The following CDH20 variants were observed in gnomAD, a reference collection of about 807,000 sequenced individuals.
CDH20 encodes cadherin-20.
In CDH20, 29 loss-of-function variants were observed where a neutral mutation model predicts 74.2. The observed-to-expected ratio is 0.39, with a 90% CI of 0.29 to 0.53. CDH20 has a LOEUF of 0.53. Ranked by LOEUF, CDH20 falls within the 20% of genes least tolerant of loss-of-function variation. The pLI, the probability that CDH20 is intolerant of heterozygous loss-of-function variation, is 0.69. For missense variants in CDH20, 988 were observed against 1,048.3 expected (o/e 0.94, Z 0.79); for synonymous variants, 469 against 405.4 (o/e 1.16, Z -1.88).
intron 1 of CDH20, among the ~76,000 whole-genome samples, chr18:61,336,038 G>A (rs1048154436): frequency 3.3e-5 from 5 of 152,148 alleles, no homozygotes; most frequent in Non-Finnish European, 5.9e-5. Flanking sequence ...CCGGAAAGGC[G>A]TTGTGACTGT....
At chr18:61,486,415 T>G (rs1196347396) in intron 1 of CDH20, among the ~76,000 whole-genome samples, 1 of 152,216 alleles carries the variant, frequency 6.6e-6, no homozygotes, top group East Asian at 1.9e-4. Flanking sequence ...TACTCCAATT[T>G]ATACTGGTGA....
intron 1 of CDH20, among the ~76,000 whole-genome samples, chr18:61,419,660 T>A (rs987566680): frequency 6.6e-6 from 1 of 152,190 alleles, no homozygotes. Flanking sequence ...AATCTCTTTT[T>A]TTTTCAATAC....
intron 1 of CDH20, among the ~76,000 whole-genome samples, chr18:61,404,568 G>A (rs1384211516): frequency 6.6e-6 from 1 of 152,130 alleles, no homozygotes; most frequent in Non-Finnish European, 1.5e-5. Context: ...AATGCTGCAT[G>A]AAATCTTGGT....
At chr18:61,484,463 C>T (rs1371735275) in intron 1 of CDH20, among the ~76,000 whole-genome samples, 1 of 151,966 alleles carries the variant, frequency 6.6e-6, no homozygotes, top group Non-Finnish European at 1.5e-5. Context: ...CCAGCCTTGG[C>T]GGATACGGAA....
chr18:61,465,117 T>C (rs1008290186), intron 1 of CDH20, among the ~76,000 whole-genome samples: 6 of 152,186 alleles, frequency 3.9e-5, no homozygotes, highest in African/African-American at 1.4e-4. Flanking sequence ...TTCACAGAGC[T>C]CACTAGAAAT....
intron 2 of CDH20, among the ~76,000 whole-genome samples, chr18:61,492,825 A>G (rs1248116412): frequency 1.3e-5 from 2 of 152,196 alleles, no homozygotes; most frequent in African/African-American, 4.8e-5. Context: ...TAGAAGCTCA[A>G]TGAAAGCAAG....
At chr18:61,497,271 G>A (rs1457617696) in intron 2 of CDH20, among the ~76,000 whole-genome samples, 1 of 152,084 alleles carries the variant, frequency 6.6e-6, no homozygotes. Context: ...AGTTCCCCTA[G>A]GCAGCAAAAC....
intron 7 of CDH20, among the ~76,000 whole-genome samples, chr18:61,533,353 T>TATC (rs1912714600): frequency 6.6e-6 from 1 of 152,148 alleles, no homozygotes; most frequent in Non-Finnish European, 1.5e-5. Flanking sequence ...TCAGTTTCCT[T>TATC]ATCTGTTGAT....
chr18:61,377,454 C>T (rs1911275132), intron 1 of CDH20, among the ~76,000 whole-genome samples: 1 of 151,898 alleles, frequency 6.6e-6, no homozygotes, highest in Non-Finnish European at 1.5e-5. Context: ...TTTCATCAGA[C>T]ACGCGAAGCC....
chr18:61,539,064 A>C lies in CDH20; in HGVS notation c.1449A>C (p.Lys483Asn). 6.2e-7 allele frequency: 1 copy of C among 1,613,998 alleles called. No individual in the cohort carries two copies. Among genetic ancestry groups the C allele is most frequent in the Non-Finnish European group, 8.5e-7 (1 of 1,179,900 alleles). ...SQVGSVPVTI[K>N]VLDVNDNAPE... Reference sequence around the variant, plus strand: ...TTGGAAGTGTTCCTGTCACAATCAAAGTCTTAGATGTGAATGACAATGCTC... The same window carrying C: ...TTGGAAGTGTTCCTGTCACAATCAACGTCTTAGATGTGAATGACAATGCTC... The change falls in exon 9 of 12, where the codon AAA (lysine) becomes AAC (asparagine). Residue 483 changes from lysine (K) to asparagine (N), a missense_variant. Around this residue, in one of 2 missense-constraint regions of CDH20, gnomAD observed 613 missense variants for 755.2 expected, o/e 0.81. Transcript: ENST00000262717.
At chr18:61,507,230 A>G (rs1181270962) in intron 5 of CDH20, 143 bp from the exon 6 acceptor site, 5 of 707,104 alleles carry the variant, frequency 7.1e-6, no homozygotes, top group Non-Finnish European at 1.2e-5. Flanking sequence ...TCTGGACCTT[A>G]GTTTTTATCT....
At chr18:61,452,691 T>C (rs58197359) in intron 1 of CDH20, among the ~76,000 whole-genome samples, 1 of 150,474 alleles carries the variant, frequency 6.6e-6, no homozygotes, top group Non-Finnish European at 1.5e-5. Context: ...TTTGAATTAC[T>C]TGTATTTTTC....
At chr18:61,382,299 G>C (rs1911458250) in intron 1 of CDH20, among the ~76,000 whole-genome samples, 1 of 152,166 alleles carries the variant, frequency 6.6e-6, no homozygotes, top group Admixed American at 6.5e-5. Flanking sequence ...CTAACAATAA[G>C]AAAGATTACT....
intron 1 of CDH20, among the ~76,000 whole-genome samples, chr18:61,398,036 G>A (rs991263494): frequency 6.6e-6 from 1 of 152,216 alleles, no homozygotes; most frequent in African/African-American, 2.4e-5. Flanking sequence ...AGCTAAGTCA[G>A]AGTGCAACAA....
At chr18:61,482,731 GCAAT>G in intron 1 of CDH20, among the ~76,000 whole-genome samples, 1 of 274 alleles carries the variant, frequency 3.6e-3, no homozygotes, top group Non-Finnish European at 8.9e-3. Context: ...CTAACCATAA[GCAAT>G]CCTCCCCCAA....
At position 61,528,216 on chromosome 18, in the gene CDH20, A is replaced by G. The variant is rs371963701; in HGVS notation, c.1267A>G (p.Ile423Val). ...GGACCCAGATGTGACCAACAACTCA[A>G]TCAGGTTTTTCCACAGATTTCACCT... ...AKDPDVTNNS[I>V]RYSIDRSSDP... Residue 423 changes from isoleucine (I) to valine (V), a missense_variant, in exon 7 of 12, where the codon ATC becomes GTC. By Grantham distance (29) the Ile-to-Val change is conservative. This residue lies in a region of CDH20 where 613 missense variants were observed against 755.2 expected (regional missense o/e 0.81). Coordinates refer to ENST00000262717, the MANE Select transcript of CDH20 (RefSeq NM_031891.4). The G allele has an allele frequency of 1.5e-5, 24 of 1,613,728 alleles. No individual in the cohort carries two copies. Among genetic ancestry groups the G allele is most frequent in the African/African-American group, 2.7e-5 (2 of 74,916 alleles).
intron 1 of CDH20, among the ~76,000 whole-genome samples, chr18:61,358,519 G>T (rs1910576183): frequency 6.6e-6 from 1 of 152,068 alleles, no homozygotes; most frequent in Non-Finnish European, 1.5e-5. Flanking sequence ...TATACGTAAT[G>T]GTGTGGGCTC....
chr18:61,431,766 T>C (rs1913263844), intron 1 of CDH20, among the ~76,000 whole-genome samples: 1 of 152,202 alleles, frequency 6.6e-6, no homozygotes, highest in Non-Finnish European at 1.5e-5. Flanking sequence ...TGAGCTTCTA[T>C]AAAAGTTTGG....
intron 1 of CDH20, among the ~76,000 whole-genome samples, chr18:61,425,017 C>CCT (rs201801706): frequency 6.8e-6 from 1 of 147,912 alleles, no homozygotes; most frequent in Non-Finnish European, 1.5e-5. Flanking sequence ...AGTTCCTCTC[C>CCT]CTCTCTCTCC....
Sources: gnomAD v4.1 joint callset for allele counts (sites outside exome capture counted in the v4.1 genomes callset) on GRCh38, gnomAD v4.1.1 for gene constraint, gnomAD v4.1.1 regional missense constraint, MANE v1.5 for transcripts, NCBI Gene and HGNC (gene_info 2026-07-23, HGNC 2026-07-21) for gene names.